CSMD3: variants seen among roughly 807,000 people sequenced by gnomAD.
CSMD3 encodes the protein CUB and sushi domain-containing protein 3.
CSMD3 carries 177 observed loss-of-function variants against 435.2 expected under a neutral mutation model. The ratio of observed to expected loss-of-function variants is 0.41; its 90% CI spans 0.36 to 0.46. CSMD3 has a LOEUF of 0.46. Among genes scored for constraint, CSMD3 ranks in the 20% least tolerant of loss-of-function variants. The probability of loss-of-function intolerance (pLI) is 0.34; values close to 1 mark genes in which losing one functional copy is unlikely to be tolerated. For synonymous variants in CSMD3, 1,656 were observed against 1,520.5 expected (o/e 1.09, Z -2.07); for missense variants, 4,265 against 4,504.6 (o/e 0.95, Z 1.52).
intron 27 of CSMD3, among the ~76,000 whole-genome samples, chr8:112,527,632 T>A (rs966936072): frequency 6.6e-5 from 10 of 152,028 alleles, no homozygotes; most frequent in Admixed American, 5.9e-4. Flanking sequence ...GTGCACAAGG[T>A]ATTTTTTTTA....
chr8:113,264,190 A>G (rs1237818636), intron 3 of CSMD3, among the ~76,000 whole-genome samples: 1 of 151,478 alleles, frequency 6.6e-6, no homozygotes, highest in East Asian at 1.9e-4. Flanking sequence ...ATTAATTTCT[A>G]AAGCAAGCTC....
At chr8:113,114,536 A>G (rs771355164) in intron 4 of CSMD3, among the ~76,000 whole-genome samples, 1 of 152,200 alleles carries the variant, frequency 6.6e-6, no homozygotes, top group Non-Finnish European at 1.5e-5. Flanking sequence ...AGGTGCAGAA[A>G]GACCCTGACC....
intron 10 of CSMD3, among the ~76,000 whole-genome samples, chr8:112,902,884 T>A (rs1375277169): frequency 1.3e-5 from 2 of 151,310 alleles, no homozygotes; most frequent in Non-Finnish European, 3.0e-5. Context: ...AGAGTTGGAA[T>A]GAACTCAAGA....
chr8:113,003,961 C>T (rs1057239800), intron 6 of CSMD3, among the ~76,000 whole-genome samples: 3 of 151,792 alleles, frequency 2.0e-5, no homozygotes, highest in East Asian at 1.9e-4. Context: ...TGAAACAATT[C>T]CCCCCAAAAA....
At chr8:112,404,889 T>C (rs1214149701) in intron 35 of CSMD3, among the ~76,000 whole-genome samples, 3 of 151,358 alleles carry the variant, frequency 2.0e-5, no homozygotes, top group Non-Finnish European at 4.4e-5. Flanking sequence ...TAAAAAGTAT[T>C]ATTTTCAGCT....
chr8:113,117,137 C>T (rs1349733412), intron 4 of CSMD3, among the ~76,000 whole-genome samples: 3 of 152,194 alleles, frequency 2.0e-5, no homozygotes, highest in Admixed American at 1.3e-4. Context: ...GTCTCCATGG[C>T]ATGTCAGATG....
intron 13 of CSMD3, among the ~76,000 whole-genome samples, chr8:112,711,748 A>T (rs2076614370): frequency 6.6e-6 from 1 of 152,082 alleles, no homozygotes; most frequent in Non-Finnish European, 1.5e-5. Flanking sequence ...TTATGTATTT[A>T]TTATGTGTTT....
rs373972012 is a variant in CSMD3 at position 113,341,456 on chromosome 8, T to C, written c.179-26663A>G. On this transcript the variant is annotated intron_variant, in intron 1 of 70. Coordinates refer to ENST00000297405, the MANE Select transcript of CSMD3 (RefSeq NM_198123.2). ...AATCAACAGTTCAAGGCAATATTTATTGAGCATGAGCTAGATGCCACACAC... is the reference window on the plus strand; with the variant it reads ...AATCAACAGTTCAAGGCAATATTTACTGAGCATGAGCTAGATGCCACACAC... Among the ~76,000 whole-genome samples, 42 of 152,304 alleles carry C rather than the reference T, an allele frequency of 2.8e-4. No homozygotes were observed. The South Asian group carries it at 3.7e-3, about 14-fold the overall frequency.
chr8:113,126,104 G>GT (rs1359927453), intron 4 of CSMD3, among the ~76,000 whole-genome samples: 1 of 151,956 alleles, frequency 6.6e-6, no homozygotes, highest in East Asian at 1.9e-4. Flanking sequence ...CATAGGAAGT[G>GT]TATAACTCTT....
At chr8:113,302,664 T>A (rs748845773) in intron 2 of CSMD3, among the ~76,000 whole-genome samples, 1 of 151,864 alleles carries the variant, frequency 6.6e-6, no homozygotes, top group Non-Finnish European at 1.5e-5. Context: ...GAAAACCACA[T>A]GATTATCTCA....
At chr8:112,527,727 GTATAA>G (rs1825118354) in intron 27 of CSMD3, among the ~76,000 whole-genome samples, 1 of 151,982 alleles carries the variant, frequency 6.6e-6, no homozygotes, top group African/African-American at 2.4e-5. Context: ...TTAACTGAAT[GTATAA>G]TATATGTTTA....
In CSMD3 at chr8:112,423,947, T is replaced by C. The variant is rs147756307; in HGVS notation, c.5396-14915A>G. 8.6e-4 allele frequency among the ~76,000 whole-genome samples: 131 copies of C among 152,304 alleles called. 2 individuals carry two copies. The highest frequency in any genetic ancestry group is 1.3e-3 in the Non-Finnish European group (91 of 68,022). On this transcript the variant is annotated intron_variant, in intron 32 of 70. Coordinates refer to ENST00000297405, the MANE Select transcript of CSMD3 (RefSeq NM_198123.2). Reference sequence around the variant, plus strand: ...TGGAATCGTTTTAAATTACTTAATATGCTATAATTCCAATGGAAGTTTCTC... The same window carrying C: ...TGGAATCGTTTTAAATTACTTAATACGCTATAATTCCAATGGAAGTTTCTC...
Position 112,887,686 on chromosome 8 carries a change from G to A in CSMD3, c.1634-28420C>T, listed in dbSNP as rs2081648110. Among the ~76,000 whole-genome samples the A allele has an allele frequency of 3.3e-5, 5 of 150,404 alleles. No individual in the cohort carries two copies. In the South Asian group the frequency reaches 1.0e-3, roughly 31 times the overall value. ...TGCATACCACTTTAAAGATCATGTA[G>A]CCTGAAAGAATAAATGGTTGATTAC... On this transcript the variant is annotated intron_variant, in intron 10 of 70. Transcript: ENST00000297405.
chr8:113,238,843 C>G lies in CSMD3; in HGVS notation c.514+39749G>C, dbSNP rs56025622. On this transcript the variant is annotated intron_variant, in intron 3 of 70. Coordinates refer to ENST00000297405, the MANE Select transcript of CSMD3 (RefSeq NM_198123.2). ...AGGGAAGTGTAAACATATAGCACAT[C>G]AGCTCCTACTGTGATGATTAATTTT... 7.7e-3 allele frequency among the ~76,000 whole-genome samples: 1,167 copies of G among 152,188 alleles called. 18 individuals are homozygous for G. Among genetic ancestry groups the G allele is most frequent in the African/African-American group, 0.027 (1,117 of 41,552 alleles).
At chr8:112,919,972 T>C (rs1416476783) in intron 10 of CSMD3, among the ~76,000 whole-genome samples, 1 of 151,832 alleles carries the variant, frequency 6.6e-6, no homozygotes, top group Non-Finnish European at 1.5e-5. Flanking sequence ...TTGGCAGCTA[T>C]ACTATTTAAA....
intron 13 of CSMD3, among the ~76,000 whole-genome samples, chr8:112,735,166 T>C (rs1444056887): frequency 6.6e-6 from 1 of 152,052 alleles, no homozygotes; most frequent in African/African-American, 2.4e-5. Flanking sequence ...TATTGAAAGA[T>C]CTCAATTACT....
At chr8:113,087,992 T>A (rs1446838186) in intron 5 of CSMD3, among the ~76,000 whole-genome samples, 1 of 149,138 alleles carries the variant, frequency 6.7e-6, no homozygotes, top group Admixed American at 6.7e-5. Context: ...GAATCTACAA[T>A]GAACTCAAAC....
Position 112,925,140 on chromosome 8 carries a change from A to C in CSMD3, c.1509-3389T>G, listed in dbSNP as rs143091434. On this transcript the variant is annotated intron_variant, in intron 9 of 70. Transcript: ENST00000297405. ...TCCCTAACATGAACCTTATGTTCCA[A>C]ATACCATTAACAGTAATTTACTTTT... Among the ~76,000 whole-genome samples the C allele has an allele frequency of 2.7e-3, 409 of 152,200 alleles. 1 individual carries two copies. Among genetic ancestry groups the C allele is most frequent in the African/African-American group, 9.3e-3 (388 of 41,548 alleles).
chr8:113,303,571 T>C (rs1303314531), intron 2 of CSMD3, among the ~76,000 whole-genome samples: 2 of 146,908 alleles, frequency 1.4e-5, no homozygotes, highest in South Asian at 2.2e-4. Context: ...GAGATATAGA[T>C]CAATGGAACA....
Sources: gnomAD v4.1 joint callset for allele counts (sites outside exome capture counted in the v4.1 genomes callset) on GRCh38, gnomAD v4.1.1 for gene constraint, MANE v1.5 for transcripts, NCBI Gene and HGNC (gene_info 2026-07-23, HGNC 2026-07-21) for gene names.